Variants in SMC2 observed in about 807,000 individuals in gnomAD.
SMC2 encodes structural maintenance of chromosomes protein 2.
Under a neutral mutation model 142.6 loss-of-function variants are expected in SMC2, and 41 were observed. The observed-to-expected ratio is 0.29, with a 90% confidence interval of 0.22 to 0.37. The LOEUF (loss-of-function observed/expected upper bound fraction) is 0.37, where lower values mean the gene tolerates loss of function less well. SMC2 is among the 10% of genes least tolerant of loss of function. The pLI is 1.00. For missense variants in SMC2, 1,265 were observed against 1,373.7 expected, an observed-to-expected ratio of 0.92 and a Z score of 1.25; for synonymous variants, 463 against 457.5, an observed-to-expected ratio of 1.01 and a Z score of -0.15.
Position 104,094,396 on chromosome 9 carries a change from C to G in SMC2, c.-143C>G, listed in dbSNP as rs569175300. On this transcript the variant is annotated 5_prime_UTR_variant, in exon 1 of 25. Coordinates refer to ENST00000374793, the MANE Select transcript of SMC2 (RefSeq NM_006444.3). ...GGTGAAGTTCGCTTTGTAGCGGCCC[C>G]GGCTAGAGAGTTGTTCTGTTCCCTG... 4,912 of 398,884 alleles carry G rather than the reference C, an allele frequency of 0.012. 49 individuals carry two copies. Among genetic ancestry groups the G allele is most frequent in the Middle Eastern group, 0.026 (41 of 1,590 alleles). 24.7% of individuals were successfully genotyped at this position (398,884 alleles called of 1,614,324 possible). A position where few individuals can be genotyped will look rare whatever the true frequency, so the allele number is the denominator to read the frequency against.
upstream of SMC2, among the ~76,000 whole-genome samples, chr9:104,094,010 C>A (rs1197109451): frequency 6.6e-6 from 1 of 152,188 alleles, no homozygotes; most frequent in Non-Finnish European, 1.5e-5. Context: ...GTGCCTAACG[C>A]GAACTAGAGG....
At chr9:104,101,159 T>C (rs1020792015) in intron 7 of SMC2, among the ~76,000 whole-genome samples, 4 of 152,136 alleles carry the variant, frequency 2.6e-5, no homozygotes, top group Non-Finnish European at 5.9e-5. Flanking sequence ...GGTCTTGAAC[T>C]CCTGGGCTCA....
At position 104,095,396 on chromosome 9, in the gene SMC2, G is replaced by A; in HGVS notation, c.12G>A (p.Lys4=). 1 of 1,612,914 alleles carries A rather than the reference G, an allele frequency of 6.2e-7. No homozygotes were observed. Among genetic ancestry groups the A allele is most frequent in the Non-Finnish European group, 8.5e-7 (1 of 1,179,908 alleles). MHI[K]SIILEGFKSY... ...AGACAGTATCGAAAATGCATATTAA[G>A]TCAATTATTCTAGAGGGATTCAAGT... Residue 4 remains lysine (K), a synonymous_variant, in exon 2 of 25, where the codon AAG becomes AAA. Coordinates refer to ENST00000374793, the MANE Select transcript of SMC2 (RefSeq NM_006444.3).
At chr9:104,137,321 A>T (rs997013039) in intron 23 of SMC2, among the ~76,000 whole-genome samples, 2 of 152,128 alleles carry the variant, frequency 1.3e-5, no homozygotes, top group East Asian at 3.8e-4. Context: ...ATATATTTGT[A>T]AAGAAAAAAT....
intron 13 of SMC2, 52 bp from the exon 14 acceptor site, chr9:104,116,148 A>C (rs1833085290): frequency 1.3e-6 from 2 of 1,525,272 alleles, no homozygotes; most frequent in Non-Finnish European, 1.8e-6. Context: ...GCATTCTCTC[A>C]ATTTTCTGTC....
rs762727291 is a variant in SMC2, at chr9:104,139,365, T to C, written c.*50T>C. 1.0e-5 allele frequency: 15 copies of C among 1,455,394 alleles called. No homozygotes were observed. Among genetic ancestry groups the C allele is most frequent in the South Asian group, 3.9e-5 (3 of 76,186 alleles). 90.2% of individuals were successfully genotyped at this position (1,455,394 alleles called of 1,614,324 possible). On this transcript the variant is annotated 3_prime_UTR_variant, in exon 25 of 25. Transcript: ENST00000374793. ...GACCTGTTTTTTTAAATGTAAACTTTTAAGGACTTGAGATAACTAATTTGT... is the reference window on the plus strand; with the variant it reads ...GACCTGTTTTTTTAAATGTAAACTTCTAAGGACTTGAGATAACTAATTTGT...
chr9:104,104,811 A>T (rs1460986977), intron 9 of SMC2, among the ~76,000 whole-genome samples: 1 of 152,204 alleles, frequency 6.6e-6, no homozygotes, highest in East Asian at 1.9e-4. Flanking sequence ...TAACACTCTG[A>T]CTGACATAAT....
rs958220062 is a variant in SMC2, at chr9:104,139,590, T to G, written c.*275T>G. On this transcript the variant is annotated 3_prime_UTR_variant, in exon 25 of 25. Transcript: ENST00000374793. ...CTTTTATATATTAGGGATCCTGAGA[T>G]ACCCGATTCTATATGTAAAAGCTAA... The G allele has an allele frequency of 8.0e-6, 2 of 249,154 alleles. No homozygotes were observed. The highest frequency in any genetic ancestry group is 1.5e-5 in the Non-Finnish European group (2 of 132,902). The allele number at this position is 249,154 out of a possible 1,614,324, so 15.4% of individuals were successfully genotyped here.
intron 17 of SMC2, 24 bp downstream of exon 17, chr9:104,123,256 T>C (rs575606371): frequency 6.2e-7 from 1 of 1,605,182 alleles, no homozygotes; most frequent in East Asian, 2.3e-5. Context: ...AGTCCATGCT[T>C]AATCTCTGGT....
rs995331900 is a variant in SMC2, at chr9:104,095,472, A to G, written c.88A>G (p.Ile30Val). The change falls in exon 2 of 25, where the codon ATC becomes GTC. Residue 30 changes from isoleucine (I) to valine (V), a missense_variant. By Grantham distance (29) the Ile-to-Val change is conservative. Coordinates refer to ENST00000374793, the MANE Select transcript of SMC2 (RefSeq NM_006444.3). ...TGGTTTTGACCCCCTCTTCAATGCTATCACTGGCTTAAATGGTAGTGGGAA... is the reference window on the plus strand; with the variant it reads ...TGGTTTTGACCCCCTCTTCAATGCTGTCACTGGCTTAAATGGTAGTGGGAA... ...VNGFDPLFNA[I>V]TGLNGSGKSN... 5.0e-6 allele frequency: 8 copies of G among 1,613,788 alleles called. No homozygotes were observed. Among genetic ancestry groups the G allele is most frequent in the Non-Finnish European group, 6.8e-6 (8 of 1,179,838 alleles).
intron 18 of SMC2, among the ~76,000 whole-genome samples, chr9:104,126,105 A>G (rs1409119723): frequency 1.3e-5 from 2 of 152,088 alleles, no homozygotes; most frequent in African/African-American, 4.8e-5. Flanking sequence ...TCTAGGTTGC[A>G]TATTCCTTAT....
chr9:104,134,834 T>G (rs1295616342), intron 23 of SMC2, among the ~76,000 whole-genome samples: 1 of 152,118 alleles, frequency 6.6e-6, no homozygotes, highest in Non-Finnish European at 1.5e-5. Context: ...CAGGACAAGA[T>G]GAAACAGAAA....
chr9:104,127,433 CACA>C lies in SMC2; in HGVS notation c.2747_2749del (p.Asn916del). ...TCAGCTTAAAATTAAGGAATTAGAC[CACA>C]ACATCAGCAAACATAAACGGGAGGC... On this transcript the variant is annotated inframe_deletion, in exon 20 of 25. Coordinates refer to ENST00000374793, the MANE Select transcript of SMC2 (RefSeq NM_006444.3). 1 of 1,613,072 alleles carries C rather than the reference CACA, an allele frequency of 6.2e-7. No individual in the cohort carries two copies. Among genetic ancestry groups the C allele is most frequent in the Non-Finnish European group, 8.5e-7 (1 of 1,179,432 alleles).
intron 9 of SMC2, among the ~76,000 whole-genome samples, chr9:104,106,981 A>G (rs1831871523): frequency 1.3e-5 from 2 of 152,194 alleles, no homozygotes; most frequent in Admixed American, 6.5e-5. Context: ...TACTATTAGT[A>G]GGCACATCTC....
Position 104,111,628 on chromosome 9 carries a change from A to G in SMC2, c.1068A>G (p.Thr356=). The part of the protein sequence containing the change: ...AAKEKEVKKI[T]DGLHALQEAS... Reference sequence around the variant, plus strand: ...AGGAAAAAGAGGTTAAAAAGATAACAGATGGACTGCATGCCCTTCAAGAAG... The same window carrying G: ...AGGAAAAAGAGGTTAAAAAGATAACGGATGGACTGCATGCCCTTCAAGAAG... The change falls in exon 10 of 25, where the codon ACA becomes ACG. Residue 356 remains threonine, a synonymous_variant. Transcript: ENST00000374793. 6.2e-7 allele frequency: 1 copy of G among 1,614,112 alleles called. No homozygotes were observed.
At chr9:104,137,289 A>G (rs1000356440) in intron 23 of SMC2, among the ~76,000 whole-genome samples, 36 of 152,120 alleles carry the variant, frequency 2.4e-4, no homozygotes, top group African/African-American at 8.4e-4. Flanking sequence ...ATTTTATATT[A>G]AAATAAGGCT....
Position 104,094,357 on chromosome 9 carries a change from G to C in SMC2, c.-182G>C, listed in dbSNP as rs1007121434. On this transcript the variant is annotated 5_prime_UTR_variant, in exon 1 of 25. Coordinates refer to ENST00000374793, the MANE Select transcript of SMC2 (RefSeq NM_006444.3). ...GGGTGTTGAGAGCGGTGTGGCAGGTGTTGTAGCCGCTATGGTGAAGTTCGC... is the reference window on the plus strand; with the variant it reads ...GGGTGTTGAGAGCGGTGTGGCAGGTCTTGTAGCCGCTATGGTGAAGTTCGC... The C allele has an allele frequency of 2.5e-6, 1 of 398,788 alleles. No individual in the cohort carries two copies. The highest frequency in any genetic ancestry group is 3.6e-5 in the East Asian group (1 of 28,070). The allele number at this position is 398,788 out of a possible 1,614,324, so 24.7% of individuals were successfully genotyped here. A position where few individuals can be genotyped will look rare whatever the true frequency, so the allele number is the denominator to read the frequency against.
rs770984990 is a variant in SMC2 at position 104,102,417 on chromosome 9, G to A, written c.871-7G>A. On this transcript the variant is annotated splice_polypyrimidine_tract_variant and splice_region_variant and intron_variant, in intron 8 of 24. Coordinates refer to ENST00000374793, the MANE Select transcript of SMC2 (RefSeq NM_006444.3). ...TAAGTGATTGAATTGACTGCATTTT[G>A]TTATAGGAAACTGGAGGTATACTTC... is the stretch of plus-strand genomic sequence containing the variant. The A allele has an allele frequency of 5.7e-6, 9 of 1,591,866 alleles. No homozygotes were observed. Among genetic ancestry groups the A allele is most frequent in the Middle Eastern group, 1.7e-4 (1 of 5,926 alleles).
At chr9:104,122,684 CATT>C (rs565293691) in intron 16 of SMC2, among the ~76,000 whole-genome samples, 191 of 152,158 alleles carry the variant, frequency 1.3e-3, no homozygotes, top group African/African-American at 4.3e-3. Flanking sequence ...AAGTAGGGAA[CATT>C]ATTATTATTT....
Sources: gnomAD v4.1 joint callset for allele counts (sites outside exome capture counted in the v4.1 genomes callset) on GRCh38, gnomAD v4.1.1 for gene constraint, MANE v1.5 for transcripts, NCBI Gene and HGNC (gene_info 2026-07-23, HGNC 2026-07-21) for gene names.